The following PALD1 variants were observed in gnomAD, a reference collection of about 807,000 sequenced individuals.
PALD1 encodes paladin.
A neutral mutation model predicts 96.0 loss-of-function variants in PALD1; 57 were observed. The observed-to-expected ratio is 0.59, with a 90% confidence interval of 0.48 to 0.74. The LOEUF (loss-of-function observed/expected upper bound fraction) is 0.74, where lower values mean the gene tolerates loss of function less well. Ranked by LOEUF, PALD1 falls within the 30% of genes least tolerant of loss-of-function variation. The pLI is 0.00. For missense variants in PALD1, 1,063 were observed against 1,143.7 expected (o/e 0.93, Z 1.02); for synonymous variants, 464 against 473.6 (o/e 0.98, Z 0.26).
intron 18 of PALD1, among the ~76,000 whole-genome samples, chr10:70,562,931 C>T (rs1392809306): frequency 6.6e-6 from 1 of 152,134 alleles, no homozygotes; most frequent in Non-Finnish European, 1.5e-5. Context: ...CTTTAAGTTC[C>T]CTTCCTCCTG....
the PALD1 span, among the ~76,000 whole-genome samples, chr10:70,459,807 C>G: frequency 6.6e-6 from 1 of 152,142 alleles, no homozygotes; most frequent in African/African-American, 2.4e-5. Flanking sequence ...CGTTCCCCCA[C>G]GTACTCCCCC....
intron 1 of PALD1, among the ~76,000 whole-genome samples, chr10:70,517,048 A>G (rs1457104222): frequency 6.6e-6 from 1 of 152,012 alleles, no homozygotes; most frequent in Non-Finnish European, 1.5e-5. Flanking sequence ...ACCTAGAATC[A>G]CCTTACCTTT....
At position 70,531,310 on chromosome 10, in the gene PALD1, G is replaced by A. The variant is rs1414979694; in HGVS notation, c.489G>A (p.Val163=). The part of the protein sequence containing the change: ...DGHRECVIFC[V]REEPVLFLRA... Reference sequence around the variant, plus strand: ...GGCAGGAGTGTGTCATCTTCTGTGTGCGGGAGGAACCTGTGCTTTTCCTGC... The same window carrying A: ...GGCAGGAGTGTGTCATCTTCTGTGTACGGGAGGAACCTGTGCTTTTCCTGC... Residue 163 remains valine (V), a synonymous_variant, in exon 5 of 20, where the codon GTG becomes GTA. Coordinates refer to ENST00000263563, the MANE Select transcript of PALD1 (RefSeq NM_014431.3). 4 of 1,613,616 alleles carry A rather than the reference G, an allele frequency of 2.5e-6. No homozygotes were observed. Among genetic ancestry groups the A allele is most frequent in the Admixed American group, 3.3e-5 (2 of 59,988 alleles).
At chr10:70,491,010 A>T (rs1846088389) in intron 1 of PALD1, among the ~76,000 whole-genome samples, 1 of 151,916 alleles carries the variant, frequency 6.6e-6, no homozygotes, top group Admixed American at 6.5e-5. Context: ...GCATGGTGCG[A>T]TCTGGGCTCA....
chr10:70,516,845 T>C (rs951235806), intron 1 of PALD1, among the ~76,000 whole-genome samples: 1 of 152,176 alleles, frequency 6.6e-6, no homozygotes, highest in Non-Finnish European at 1.5e-5. Flanking sequence ...CATAAGCCAC[T>C]GTGCCCAGCC....
chr10:70,515,706 C>T (rs1401419669), intron 1 of PALD1, among the ~76,000 whole-genome samples: 1 of 152,092 alleles, frequency 6.6e-6, no homozygotes, highest in Non-Finnish European at 1.5e-5. Context: ...CATCTTTATA[C>T]GGTCCAGCAG....
At chr10:70,473,349 C>G in the PALD1 span, among the ~76,000 whole-genome samples, 1 of 152,188 alleles carries the variant, frequency 6.6e-6, no homozygotes, top group Non-Finnish European at 1.5e-5. Flanking sequence ...GTCCTGAGCC[C>G]AGAGTCAGGC....
intron 1 of PALD1, among the ~76,000 whole-genome samples, chr10:70,498,655 G>A (rs139635266): frequency 1.3e-4 from 20 of 151,862 alleles, no homozygotes; most frequent in Admixed American, 5.2e-4. Flanking sequence ...GACTGGGCGC[G>A]GTGGCTCACG....
rs1362710325 is a variant in PALD1 at position 70,525,964 on chromosome 10, G to C, written c.13G>C (p.Ala5Pro). MGTT[A>P]STAQQTVSAG... ...CTGCTGGCAGACTATGGGTACAACG[G>C]CCAGCACAGCCCAGCAGACGGTCTC... Residue 5 changes from alanine (A) to proline (P), a missense_variant, in exon 2 of 20, where the codon GCC becomes CCC. Transcript: ENST00000263563. 1 of 1,614,098 alleles carries C rather than the reference G, an allele frequency of 6.2e-7. No homozygotes were observed. Among genetic ancestry groups the C allele is most frequent in the South Asian group, 1.1e-5 (1 of 91,076 alleles).
chr10:70,478,625 C>T (rs1489391908), upstream of PALD1, among the ~76,000 whole-genome samples: 2 of 152,190 alleles, frequency 1.3e-5, no homozygotes, highest in African/African-American at 2.4e-5. Flanking sequence ...AACGTGGCGC[C>T]CGCGTTCCTC....
chr10:70,466,246 C>T, the PALD1 span, among the ~76,000 whole-genome samples: 1 of 151,840 alleles, frequency 6.6e-6, no homozygotes, highest in South Asian at 2.1e-4. Context: ...GCCATTTTAA[C>T]CTTTTTTTTT....
At chr10:70,506,064 T>A (rs1321422833) in intron 1 of PALD1, among the ~76,000 whole-genome samples, 1 of 152,072 alleles carries the variant, frequency 6.6e-6, no homozygotes, top group Non-Finnish European at 1.5e-5. Context: ...CTGGGTCAGC[T>A]CCAACTCTGA....
intron 1 of PALD1, among the ~76,000 whole-genome samples, chr10:70,497,525 T>C (rs546957357): frequency 2.6e-5 from 4 of 152,118 alleles, no homozygotes; most frequent in African/African-American, 9.6e-5. Context: ...TCCTGAGCTC[T>C]GCAGGGCTGG....
intron 1 of PALD1, among the ~76,000 whole-genome samples, chr10:70,483,664 C>A (rs762382706): frequency 1.3e-5 from 2 of 152,232 alleles, no homozygotes; most frequent in Non-Finnish European, 1.5e-5. Context: ...GCTGTGCCGG[C>A]CTCTGTCTGG....
chr10:70,492,448 CTTTTTTTTTTTTT>C (rs1157960799), intron 1 of PALD1, among the ~76,000 whole-genome samples: 3 of 80,156 alleles, frequency 3.7e-5, no homozygotes, highest in Non-Finnish European at 4.9e-5. Context: ...GCATTTTTGA[CTTTTTTTTTTTTT>C]TTTTTTTTTT....
At chr10:70,522,463 G>T (rs1564695503) in intron 1 of PALD1, among the ~76,000 whole-genome samples, 1 of 152,142 alleles carries the variant, frequency 6.6e-6, no homozygotes, top group Non-Finnish European at 1.5e-5. Flanking sequence ...GTGGTCCCTG[G>T]TGGGTCTGAT....
chr10:70,522,712 A>G (rs1401272764), intron 1 of PALD1, among the ~76,000 whole-genome samples: 1 of 152,142 alleles, frequency 6.6e-6, no homozygotes, highest in African/African-American at 2.4e-5. Context: ...TCCCTAGCAG[A>G]GGTTTGAGCA....
At chr10:70,492,821 G>T (rs1846122907) in intron 1 of PALD1, among the ~76,000 whole-genome samples, 1 of 152,170 alleles carries the variant, frequency 6.6e-6, no homozygotes, top group Non-Finnish European at 1.5e-5. Context: ...ACATCAAGGA[G>T]CATCTGTACT....
intron 10 of PALD1, among the ~76,000 whole-genome samples, chr10:70,537,081 A>C (rs1847129100): frequency 6.6e-6 from 1 of 150,556 alleles, no homozygotes; most frequent in Admixed American, 6.6e-5. Flanking sequence ...GGGTCTTTGT[A>C]TTTGTATTTT....
Sources: gnomAD v4.1 joint callset for allele counts (sites outside exome capture counted in the v4.1 genomes callset) on GRCh38, gnomAD v4.1.1 for gene constraint, MANE v1.5 for transcripts, NCBI Gene and HGNC (gene_info 2026-07-23, HGNC 2026-07-21) for gene names.